WSCD1: variants seen among roughly 807,000 people sequenced by gnomAD.
WSCD1 encodes the protein sialate:O-sulfotransferase 1.
WSCD1 carries 41 observed loss-of-function variants against 60.4 expected under a neutral mutation model. That is an observed-to-expected ratio of 0.68 (90% CI 0.53 to 0.88). The LOEUF is 0.88. Ranked by LOEUF, WSCD1 falls within the 40% of genes least tolerant of loss-of-function variation. The pLI is 0.00. For synonymous variants in WSCD1, 361 were observed against 332.5 expected (o/e 1.09, Z -0.93); for missense variants, 784 against 796.2 (o/e 0.98, Z 0.18).
chr17:6,101,661 T>C lies in WSCD1; in HGVS notation c.849+6438T>C, dbSNP rs1176328103. On this transcript the variant is annotated intron_variant, in intron 5 of 8. Coordinates refer to ENST00000317744, the MANE Select transcript of WSCD1 (RefSeq NM_015253.2). The surrounding 1 kb of genome is among the most constrained non-coding windows in gnomAD (Gnocchi z 4.1). ...AGAGGGAATTGACCAATGTAATGTGTTTTTAAAGCCCAGTGAAATGATCTT... is the reference window on the plus strand; with the variant it reads ...AGAGGGAATTGACCAATGTAATGTGCTTTTAAAGCCCAGTGAAATGATCTT... 1.1e-4 allele frequency among the ~76,000 whole-genome samples: 16 copies of C among 152,182 alleles called. 1 individual carries two copies. The highest frequency in any genetic ancestry group is 1.0e-3 in the Admixed American group (16 of 15,278).
chr17:6,078,977 A>G (rs2150529602), intron 1 of WSCD1, among the ~76,000 whole-genome samples: 1 of 152,318 alleles, frequency 6.6e-6, no homozygotes, highest in Non-Finnish European at 1.5e-5. Context: ...TTCCCAGCCC[A>G]GAGTTTAATT....
At chr17:6,115,678 T>G (rs926878808) in intron 7 of WSCD1, among the ~76,000 whole-genome samples, 4 of 152,036 alleles carry the variant, frequency 2.6e-5, no homozygotes, top group Non-Finnish European at 5.9e-5. Context: ...CACTGCAACC[T>G]CCGCCTCTTG....
Position 6,120,294 on chromosome 17 carries a change from C to T in WSCD1, c.1376-15C>T, listed in dbSNP as rs770212843. ...GCCAGCCCCCGACTCTGCATCTCTCCTGTCCTCACTCTAGAGTGGCCGGAC... is the reference window on the plus strand; with the variant it reads ...GCCAGCCCCCGACTCTGCATCTCTCTTGTCCTCACTCTAGAGTGGCCGGAC... On this transcript the variant is annotated splice_polypyrimidine_tract_variant and intron_variant, in intron 8 of 8. Transcript: ENST00000317744. 1.4e-5 allele frequency: 23 copies of T among 1,608,936 alleles called. No individual in the cohort carries two copies. The highest frequency in any genetic ancestry group is 2.2e-5 in the South Asian group (2 of 90,342).
chr17:6,106,749 GTGGTGA>G (rs918082253), intron 5 of WSCD1, among the ~76,000 whole-genome samples: 3 of 152,194 alleles, frequency 2.0e-5, no homozygotes, highest in African/African-American at 7.2e-5. Context: ...ATAGCATGTG[GTGGTGA>G]TGGTGGGAAG....
In WSCD1 at chr17:6,118,046, C is replaced by T. The variant is rs779243628; in HGVS notation, c.1233C>T (p.His411=). The change falls in exon 8 of 9, where the codon CAC becomes CAT. Residue 411 remains histidine (H), a synonymous_variant. Transcript: ENST00000317744. The surrounding 1 kb of genome is among the most constrained non-coding windows in gnomAD (Gnocchi z 5.8). ...GACGCACCATCTGTGTCAAAACCCA[C>T]GAGAGTGGCAGGAGGGAGATTGAGA... is the stretch of plus-strand genomic sequence containing the variant. ...RSRRTICVKT[H]ESGRREIEMF... is the part of the protein sequence containing the mutation. 14 of 1,614,060 alleles carry T rather than the reference C, an allele frequency of 8.7e-6. No individual in the cohort carries two copies. Among genetic ancestry groups the T allele is most frequent in the East Asian group, 6.7e-5 (3 of 44,888 alleles).
intron 1 of WSCD1, among the ~76,000 whole-genome samples, chr17:6,073,153 A>T (rs1908646284): frequency 6.6e-6 from 1 of 152,104 alleles, no homozygotes; most frequent in Admixed American, 6.5e-5. Context: ...GGCAGCATCA[A>T]GTTGGGCAGG....
Position 6,101,525 on chromosome 17 carries a change from G to GT in WSCD1, c.849+6307dup, listed in dbSNP as rs1221328775. On this transcript the variant is annotated intron_variant, in intron 5 of 8. Transcript: ENST00000317744. The surrounding 1 kb of genome is among the most constrained non-coding windows in gnomAD (Gnocchi z 4.1). ...TGTGGCCCCAGATAAAATGTCTACT[G>GT]TTTTTGCTAGTTCGCGAAAATGGAT... 6.6e-6 allele frequency among the ~76,000 whole-genome samples: 1 copy of GT among 152,114 alleles called. No individual in the cohort carries two copies.
intron 7 of WSCD1, among the ~76,000 whole-genome samples, chr17:6,117,026 G>T (rs2150571251): frequency 6.6e-6 from 1 of 152,280 alleles, no homozygotes; most frequent in African/African-American, 2.4e-5. Context: ...CTGCACTTAG[G>T]CTATTTCCTC....
chr17:6,083,029 G>C (rs1909379274), intron 2 of WSCD1, among the ~76,000 whole-genome samples: 1 of 152,206 alleles, frequency 6.6e-6, no homozygotes, highest in Non-Finnish European at 1.5e-5. Context: ...TCGTGTGTCA[G>C]AAGGGAGGGA....
chr17:6,117,718 AG>A (rs1312935679), intron 7 of WSCD1, among the ~76,000 whole-genome samples: 3 of 152,190 alleles, frequency 2.0e-5, no homozygotes, highest in Non-Finnish European at 2.9e-5. Flanking sequence ...TGACTCCTGG[AG>A]GTCTTCAGGG....
rs1423072883 is a variant in WSCD1, at chr17:6,110,622, T to C, written c.1010-149T>C. 1.9e-6 allele frequency: 2 copies of C among 1,079,510 alleles called. No individual in the cohort carries two copies. The highest frequency in any genetic ancestry group is 3.2e-5 in the South Asian group (2 of 63,142). The allele number at this position is 1,079,510 out of a possible 1,614,324, so 66.9% of individuals were successfully genotyped here. On this transcript the variant is annotated intron_variant, in intron 6 of 8. Transcript: ENST00000317744. The surrounding 1 kb of genome is among the most constrained non-coding windows in gnomAD (Gnocchi z 4.8). ...CACAGACCTGTGCAGCTAAGGTATA[T>C]TTGGAAGATCTCTTCCCTTCTTTGG...
At position 6,086,606 on chromosome 17, in the gene WSCD1, G is replaced by A. The variant is rs528942070; in HGVS notation, c.428-1384G>A. 4.6e-5 allele frequency among the ~76,000 whole-genome samples: 7 copies of A among 152,064 alleles called. No homozygotes were observed. The South Asian group carries it at 1.2e-3, about 27-fold the overall frequency. ...TGATCTCAAGTGATCCACCCGCCCCGGCCTCCCAAAGTGCTGGCATTATAG... is the reference window on the plus strand; with the variant it reads ...TGATCTCAAGTGATCCACCCGCCCCAGCCTCCCAAAGTGCTGGCATTATAG... On this transcript the variant is annotated intron_variant, in intron 2 of 8. Coordinates refer to ENST00000317744, the MANE Select transcript of WSCD1 (RefSeq NM_015253.2).
At chr17:6,082,114 T>C (rs1305114625) in intron 2 of WSCD1, 3 of 152,238 alleles carry the variant, frequency 2.0e-5, no homozygotes, top group African/African-American at 7.2e-5. Flanking sequence ...GTCTGCTGTT[T>C]ACAGGTATTA....
intron 8 of WSCD1, among the ~76,000 whole-genome samples, chr17:6,119,345 C>T (rs538821414): frequency 5.3e-5 from 8 of 152,354 alleles, no homozygotes; most frequent in East Asian, 1.9e-4. Flanking sequence ...GTACCAGGAG[C>T]GCAGGCTGAT....
chr17:6,094,675 A>AGAGAGGGAAGGAAGGAAGGAAGGAAGG (rs1408543965), intron 4 of WSCD1, among the ~76,000 whole-genome samples: 1 of 142,646 alleles, frequency 7.0e-6, no homozygotes, highest in East Asian at 2.4e-4. Context: ...GGCAGAAGCA[A>AGAGAGGGAAGGAAGGAAGGAAGGAAGG]GAGAGGGAAG....
intron 2 of WSCD1, among the ~76,000 whole-genome samples, chr17:6,087,105 G>A (rs185917119): frequency 6.6e-6 from 1 of 152,308 alleles, no homozygotes; most frequent in African/African-American, 2.4e-5. Context: ...CTGTGTGACG[G>A]CGTGTTTGCA....
In WSCD1 at chr17:6,095,213, G is replaced by A. The variant is rs1216131407; in HGVS notation, c.839G>A (p.Cys280Tyr). Reference protein sequence around the residue: ...NVTVGTCSGFCSQKEFPLAIL... With the variant: ...NVTVGTCSGFYSQKEFPLAIL... Reference sequence around the variant, plus strand: ...ACCGTGGGGACTTGCTCGGGCTTTTGTTCCCAGAAAGTAAGACCAAGTGAT... The same window carrying A: ...ACCGTGGGGACTTGCTCGGGCTTTTATTCCCAGAAAGTAAGACCAAGTGAT... The change falls in exon 5 of 9, where the codon TGT (cysteine) becomes TAT (tyrosine). Residue 280 changes from cysteine (C) to tyrosine (Y), a missense_variant. Transcript: ENST00000317744. 5.6e-6 allele frequency: 9 copies of A among 1,613,014 alleles called. No homozygotes were observed. The highest frequency in any genetic ancestry group is 1.7e-5 in the Admixed American group (1 of 59,858).
chr17:6,114,869 G>T (rs1911610976), intron 7 of WSCD1, among the ~76,000 whole-genome samples: 1 of 151,432 alleles, frequency 6.6e-6, no homozygotes, highest in East Asian at 1.9e-4. Flanking sequence ...AGGCCCCTGT[G>T]TGTGATATTC....
chr17:6,099,025 G>C (rs1302718779), intron 5 of WSCD1, among the ~76,000 whole-genome samples: 2 of 151,422 alleles, frequency 1.3e-5, no homozygotes, highest in Non-Finnish European at 2.9e-5. Flanking sequence ...GCAGGAACCA[G>C]GTGGCAGGAA....
Sources: allele counts gnomAD v4.1 joint callset (sites outside exome capture counted in the v4.1 genomes callset), GRCh38; gene constraint gnomAD v4.1.1; non-coding constraint Gnocchi (gnomAD v3.1); transcripts MANE v1.5; gene names NCBI Gene and HGNC (gene_info 2026-07-23, HGNC 2026-07-21).